Variants in GRIP2 observed in about 807,000 individuals in gnomAD.
GRIP2 encodes glutamate receptor interacting protein 2.
GRIP2 carries 58 observed loss-of-function variants against 108.3 expected under a neutral mutation model. The observed-to-expected ratio is 0.54, with a 90% CI of 0.43 to 0.67. The LOEUF is 0.67. GRIP2 is among the 30% of genes least tolerant of loss of function. GRIP2 has a pLI of 0.00. For missense variants in GRIP2, 1,278 were observed against 1,430.6 expected, an observed-to-expected ratio of 0.89 and a Z score of 1.72; for synonymous variants, 586 against 598.2, an observed-to-expected ratio of 0.98 and a Z score of 0.30.
At chr3:14,570,705 C>G in the GRIP2 span, among the ~76,000 whole-genome samples, 1 of 152,100 alleles carries the variant, frequency 6.6e-6, no homozygotes, top group Non-Finnish European at 1.5e-5. Context: ...TCAAATGTAT[C>G]AGTCTCCAGT....
rs541662307 is a variant in GRIP2, at chr3:14,498,201, C to T, written c.2680-1641G>A. On this transcript the variant is annotated intron_variant, in intron 21 of 23. Coordinates refer to ENST00000621039, the MANE Select transcript of GRIP2 (RefSeq NM_001080423.4). ...TTTACGTTGGTTGTGGTGGTTTATGCTTGTAATCCCAGCACTTTGGGAGGC... is the reference window on the plus strand; with the variant it reads ...TTTACGTTGGTTGTGGTGGTTTATGTTTGTAATCCCAGCACTTTGGGAGGC... Among the ~76,000 whole-genome samples, 4 of 152,288 alleles carry T rather than the reference C, an allele frequency of 2.6e-5. No individual in the cohort carries two copies. In the South Asian group the frequency reaches 8.3e-4, roughly 32 times the overall value.
At chr3:14,533,766 A>G (rs992019302) in intron 1 of GRIP2, among the ~76,000 whole-genome samples, 1 of 152,320 alleles carries the variant, frequency 6.6e-6, no homozygotes, top group East Asian at 1.9e-4. Context: ...GCTTAGGGAC[A>G]GCGGAGGTGC....
the GRIP2 span, among the ~76,000 whole-genome samples, chr3:14,588,798 T>A: frequency 6.6e-6 from 1 of 152,334 alleles, no homozygotes; most frequent in East Asian, 1.9e-4. Context: ...GGTTGAAAAG[T>A]GGTTGTTTGA....
intron 21 of GRIP2, among the ~76,000 whole-genome samples, chr3:14,499,563 A>AG (rs1174507655): frequency 2.5e-5 from 3 of 121,344 alleles, no homozygotes; most frequent in Admixed American, 1.5e-4. Context: ...CAAAAAAAAG[A>AG]AAAAAAAAAA....
intron 1 of GRIP2, among the ~76,000 whole-genome samples, chr3:14,534,063 A>C (rs1694774360): frequency 1.3e-5 from 2 of 152,146 alleles, no homozygotes; most frequent in South Asian, 4.1e-4. Context: ...CTGAGCACCC[A>C]AGACCCCCTG....
chr3:14,490,703 T>C lies in GRIP2; in HGVS notation c.*2962A>G, dbSNP rs1194824120. 6.6e-6 allele frequency: 1 copy of C among 152,312 alleles called. No individual in the cohort carries two copies. The highest frequency in any genetic ancestry group is 1.9e-4 in the East Asian group (1 of 5,200). 9.4% of individuals were successfully genotyped at this position (152,312 alleles called of 1,614,324 possible). A position where few individuals can be genotyped will look rare whatever the true frequency, so the allele number is the denominator to read the frequency against. ...GCCCCATTCCCCTCCCAGGCCTTCT[T>C]TCTCTTCCTTGAGACCGTCAAACTC... On this transcript the variant is annotated 3_prime_UTR_variant, in exon 24 of 24. Coordinates refer to ENST00000621039, the MANE Select transcript of GRIP2 (RefSeq NM_001080423.4).
At chr3:14,593,549 C>A in the GRIP2 span, among the ~76,000 whole-genome samples, 1 of 152,224 alleles carries the variant, frequency 6.6e-6, no homozygotes, top group East Asian at 1.9e-4. Context: ...TATAGTTCTC[C>A]CAAGATGACC....
At position 14,537,477 on chromosome 3, in the gene GRIP2, T is replaced by C. The variant is rs529393466; in HGVS notation, c.40+2792A>G. On this transcript the variant is annotated intron_variant, in intron 1 of 23. Coordinates refer to ENST00000621039, the MANE Select transcript of GRIP2 (RefSeq NM_001080423.4). ...GGGCTTCTGTCTGCCTGCTCACTGC[T>C]GTGTGCAGCGCACACATTGTCTGGC... 6.6e-5 allele frequency among the ~76,000 whole-genome samples: 10 copies of C among 152,406 alleles called. No homozygotes were observed. The South Asian group carries it at 2.1e-3, about 32-fold the overall frequency.
At chr3:14,588,818 C>T in the GRIP2 span, among the ~76,000 whole-genome samples, 3 of 152,200 alleles carry the variant, frequency 2.0e-5, no homozygotes, top group Admixed American at 2.0e-4. Flanking sequence ...AAGGGCCCCC[C>T]ACACCTCCCA....
At chr3:14,588,534 C>A in the GRIP2 span, among the ~76,000 whole-genome samples, 2 of 152,102 alleles carry the variant, frequency 1.3e-5, no homozygotes, top group Admixed American at 1.3e-4. Context: ...TGATGTGTAC[C>A]CTTCTGGGGT....
the GRIP2 span, among the ~76,000 whole-genome samples, chr3:14,572,610 T>G: frequency 1.3e-3 from 1 of 766 alleles, no homozygotes; most frequent in Non-Finnish European, 2.3e-3. Flanking sequence ...AGACTCCGTC[T>G]CAAAAAAAAA....
At chr3:14,573,386 C>A in the GRIP2 span, 10 of 1,324,570 alleles carry the variant, frequency 7.5e-6, no homozygotes, top group Non-Finnish European at 9.8e-6. Context: ...GCGGGATGGT[C>A]ATCTGGAAGC....
chr3:14,584,611 G>T, the GRIP2 span, among the ~76,000 whole-genome samples: 3 of 152,280 alleles, frequency 2.0e-5, no homozygotes, highest in South Asian at 6.2e-4. Flanking sequence ...GCCTGGGACC[G>T]CGGACTATGG....
At chr3:14,580,228 G>T in the GRIP2 span, among the ~76,000 whole-genome samples, 1 of 152,198 alleles carries the variant, frequency 6.6e-6, no homozygotes, top group African/African-American at 2.4e-5. Flanking sequence ...AAGTCCTGGT[G>T]GCCCCAGAAG....
At chr3:14,588,174 T>C in the GRIP2 span, among the ~76,000 whole-genome samples, 3 of 152,324 alleles carry the variant, frequency 2.0e-5, 1 homozygote, top group South Asian at 6.2e-4. Flanking sequence ...CAGAGTTCAC[T>C]GAGGTCTTAG....
chr3:14,524,640 C>T lies in GRIP2; in HGVS notation c.258-102G>A, dbSNP rs562453465. On this transcript the variant is annotated intron_variant, in intron 3 of 23. Transcript: ENST00000621039. The stretch of plus-strand genomic sequence containing the variant: ...CTGGAATCCCTATGATCACTGGATC[C>T]TCATTTCACAAATGGGGAAGCTGAG... 3.6e-5 allele frequency: 47 copies of T among 1,306,412 alleles called. No individual in the cohort carries two copies. The African/African-American group carries it at 5.3e-4, about 15-fold the overall frequency. The allele number at this position is 1,306,412 out of a possible 1,614,324, so 80.9% of individuals were successfully genotyped here.
At chr3:14,541,340 G>A (rs769572053), upstream of GRIP2, among the ~76,000 whole-genome samples, 5 of 152,232 alleles carry the variant, frequency 3.3e-5, no homozygotes, top group South Asian at 2.1e-4. Context: ...TGCACAGTGC[G>A]TCTGGCAACA....
chr3:14,494,000 TTC>T (rs1693495248), intron 23 of GRIP2, among the ~76,000 whole-genome samples, 174 bp from the exon 24 acceptor site: 1 of 152,222 alleles, frequency 6.6e-6, no homozygotes, highest in Non-Finnish European at 1.5e-5. Flanking sequence ...CTCTCAGTCC[TTC>T]TGTTAGGTTT....
rs1374651782 is a variant in GRIP2, at chr3:14,512,652, C to T, written c.1720+125G>A. On this transcript the variant is annotated intron_variant, in intron 14 of 23. Coordinates refer to ENST00000621039, the MANE Select transcript of GRIP2 (RefSeq NM_001080423.4). The surrounding 1 kb of genome is among the most constrained non-coding windows in gnomAD (Gnocchi z 5.1). ...ACGGAAGCCAGCCTCCCCACACCCCCAAGCCTTTTCCTCGGGCCCCGCAGG... is the reference window on the plus strand; with the variant it reads ...ACGGAAGCCAGCCTCCCCACACCCCTAAGCCTTTTCCTCGGGCCCCGCAGG... 16 of 866,562 alleles carry T rather than the reference C, an allele frequency of 1.8e-5. No individual in the cohort carries two copies. Among genetic ancestry groups the T allele is most frequent in the Non-Finnish European group, 2.9e-5 (16 of 554,254 alleles). The allele number at this position is 866,562 out of a possible 1,614,324, so 53.7% of individuals were successfully genotyped here.
Sources: gnomAD v4.1 joint callset for allele counts (sites outside exome capture counted in the v4.1 genomes callset) on GRCh38, gnomAD v4.1.1 for gene constraint, Gnocchi (gnomAD v3.1) non-coding constraint, MANE v1.5 for transcripts, NCBI Gene and HGNC (gene_info 2026-07-23, HGNC 2026-07-21) for gene names.